DAB1: variants seen among roughly 807,000 people sequenced by gnomAD.
DAB1 encodes the protein disabled homolog 1.
In DAB1, 15 loss-of-function variants were observed where a neutral mutation model predicts 64.6. The observed-to-expected ratio is 0.23, with a 90% CI of 0.16 to 0.36. The LOEUF is 0.36. DAB1 is among the 10% of genes least tolerant of loss of function. The probability of loss-of-function intolerance (pLI) is 1.00; values close to 1 mark genes in which losing one functional copy is unlikely to be tolerated. For missense variants in DAB1, 596 were observed against 706.7 expected (o/e 0.84, Z 1.78); for synonymous variants, 235 against 251.9 (o/e 0.93, Z 0.64).
At chr1:57,552,822 C>T (rs953577706) in intron 7 of DAB1, among the ~76,000 whole-genome samples, 6 of 152,048 alleles carry the variant, frequency 3.9e-5, no homozygotes, top group African/African-American at 1.4e-4. Flanking sequence ...TCCTAGAGGC[C>T]TGATGGGGGA....
Position 58,327,148 on chromosome 1 carries a change from G to A in DAB1, n.309+16204C>T, listed in dbSNP as rs564529127. Among the ~76,000 whole-genome samples, 6 of 152,278 alleles carry A rather than the reference G, an allele frequency of 3.9e-5. No individual in the cohort carries two copies. The South Asian group carries it at 1.2e-3, about 32-fold the overall frequency. ...TTTTTGAATACATCCTTAATAATCAGTGCTAGGGCAAAATTTCACCAAAGT... is the reference window on the plus strand; with the variant it reads ...TTTTTGAATACATCCTTAATAATCAATGCTAGGGCAAAATTTCACCAAAGT... On this transcript the variant is annotated intron_variant and non_coding_transcript_variant, in intron 4 of 20. Transcript: ENST00000485760.
chr1:58,274,726 C>T (rs1487566124), intron 4 of DAB1, among the ~76,000 whole-genome samples: 4 of 152,284 alleles, frequency 2.6e-5, no homozygotes, highest in South Asian at 2.1e-4. Context: ...CTTTTTAAGC[C>T]GGTCTGAAAA....
intron 7 of DAB1, among the ~76,000 whole-genome samples, chr1:57,430,921 A>C (rs1313818567): frequency 6.7e-6 from 1 of 149,026 alleles, no homozygotes; most frequent in Non-Finnish European, 1.5e-5. Context: ...AAAAAAAAAA[A>C]ACTTGTCCTG....
At position 58,484,149 on chromosome 1, in the gene DAB1, T is replaced by C. The variant is rs549038158; in HGVS notation, n.257+21911A>G. 5.3e-5 allele frequency among the ~76,000 whole-genome samples: 8 copies of C among 152,360 alleles called. No individual in the cohort carries two copies. The South Asian group carries it at 1.4e-3, about 28-fold the overall frequency. On this transcript the variant is annotated intron_variant and non_coding_transcript_variant, in intron 3 of 20. Coordinates refer to the DAB1 transcript ENST00000485760. ...CAGTGAGTAAGGTGCTAGGTACACA[T>C]TGGTCAGAATAGTCATGGTCCCTGC... is the stretch of plus-strand genomic sequence containing the variant.
intron 4 of DAB1, among the ~76,000 whole-genome samples, chr1:58,256,159 C>T (rs942156247): frequency 6.6e-6 from 1 of 152,196 alleles, no homozygotes; most frequent in South Asian, 2.1e-4. Flanking sequence ...TGTTTTCTCC[C>T]TCTCCAGTGC....
At chr1:57,996,610 TC>T (rs1386692724) in intron 5 of DAB1, among the ~76,000 whole-genome samples, 1 of 152,222 alleles carries the variant, frequency 6.6e-6, no homozygotes, top group Non-Finnish European at 1.5e-5. Flanking sequence ...GACAGCATCT[TC>T]CGACTGTGAC....
intron 4 of DAB1, among the ~76,000 whole-genome samples, chr1:58,335,870 G>A (rs960439946): frequency 6.6e-6 from 1 of 152,202 alleles, no homozygotes; most frequent in African/African-American, 2.4e-5. Context: ...ATGGAGGGTG[G>A]GAGGAGAGAA....
Position 57,184,445 on chromosome 1 carries a change from G to A in DAB1, c.68-39016C>T, listed in dbSNP as rs550754977. On this transcript the variant is annotated intron_variant, in intron 2 of 14. Transcript: ENST00000371236. Reference sequence around the variant, plus strand: ...GTGCATACCTGATCATGCTACTCCCGTGCCAACCCTGTCCTCTGTTTAAAA... The same window carrying A: ...GTGCATACCTGATCATGCTACTCCCATGCCAACCCTGTCCTCTGTTTAAAA... 2.6e-4 allele frequency among the ~76,000 whole-genome samples: 39 copies of A among 152,066 alleles called. 1 individual carries two copies. The highest frequency in any genetic ancestry group is 3.8e-4 in the Non-Finnish European group (26 of 68,024).
intron 6 of DAB1, among the ~76,000 whole-genome samples, chr1:57,705,978 C>T (rs192633626): frequency 2.0e-4 from 30 of 149,574 alleles, no homozygotes; most frequent in African/African-American, 4.7e-4. Flanking sequence ...TACTTTTTCA[C>T]GGCTTACTTT....
chr1:58,037,727 C>T (rs1487747504), intron 5 of DAB1, among the ~76,000 whole-genome samples: 1 of 151,998 alleles, frequency 6.6e-6, no homozygotes, highest in Non-Finnish European at 1.5e-5. Flanking sequence ...TGGGATTAGG[C>T]TAAAGTTACC....
chr1:57,493,940 C>T (rs1054170382), intron 7 of DAB1, among the ~76,000 whole-genome samples: 13 of 152,126 alleles, frequency 8.5e-5, no homozygotes, highest in African/African-American at 3.1e-4. Flanking sequence ...GTGTGTATTT[C>T]GGCCATTTCA....
Position 58,407,798 on chromosome 1 carries a change from G to A in DAB1, n.258-64395C>T, listed in dbSNP as rs535643891. Among the ~76,000 whole-genome samples, 9 of 152,176 alleles carry A rather than the reference G, an allele frequency of 5.9e-5. No homozygotes were observed. The South Asian group carries it at 6.2e-4, about 11-fold the overall frequency. On this transcript the variant is annotated intron_variant and non_coding_transcript_variant, in intron 3 of 20. Coordinates refer to the DAB1 transcript ENST00000485760. Reference sequence around the variant, plus strand: ...TCCCCTGAAATCTACCCTCTCCATGGAGCAGCCAAAGTAAGGTTTTAAAAA... The same window carrying A: ...TCCCCTGAAATCTACCCTCTCCATGAAGCAGCCAAAGTAAGGTTTTAAAAA...
chr1:57,291,319 T>G (rs998560669), intron 1 of DAB1, among the ~76,000 whole-genome samples, 153 bp from the exon 2 acceptor site: 2 of 152,226 alleles, frequency 1.3e-5, no homozygotes, highest in Non-Finnish European at 2.9e-5. Context: ...TGATAGGGTT[T>G]ATACAGCAAA....
chr1:58,119,845 CTATT>C (rs1471479223), intron 5 of DAB1, among the ~76,000 whole-genome samples: 1 of 152,112 alleles, frequency 6.6e-6, no homozygotes, highest in Non-Finnish European at 1.5e-5. Context: ...CATGATGCTC[CTATT>C]TATTTAGTAA....
intron 5 of DAB1, among the ~76,000 whole-genome samples, chr1:58,140,881 C>T (rs532945559): frequency 3.5e-4 from 54 of 152,248 alleles, no homozygotes; most frequent in Non-Finnish European, 6.5e-4. Context: ...ATAATAAGAA[C>T]CAGCAGAGGA....
intron 4 of DAB1, among the ~76,000 whole-genome samples, chr1:58,163,868 C>A (rs543719028): frequency 1.3e-5 from 2 of 152,236 alleles, no homozygotes; most frequent in South Asian, 2.1e-4. Context: ...TGAGAACATG[C>A]ACATAGCTCA....
intron 3 of DAB1, among the ~76,000 whole-genome samples, chr1:58,479,042 CATATACT>C (rs1569855936): frequency 6.6e-6 from 1 of 152,152 alleles, no homozygotes; most frequent in African/African-American, 2.4e-5. Context: ...AAATCTTTTT[CATATACT>C]ATAAAGATAT....
chr1:57,064,516 G>C (rs1227914356), intron 8 of DAB1, among the ~76,000 whole-genome samples: 1 of 152,142 alleles, frequency 6.6e-6, no homozygotes, highest in Non-Finnish European at 1.5e-5. Flanking sequence ...TTGCAGAGGA[G>C]AAAAATATCT....
intron 7 of DAB1, among the ~76,000 whole-genome samples, chr1:57,596,749 G>T (rs1645514813): frequency 6.6e-6 from 1 of 152,158 alleles, no homozygotes; most frequent in African/African-American, 2.4e-5. Flanking sequence ...GCTCTTAAAA[G>T]GCTGAATCTA....
Sources: allele counts gnomAD v4.1 joint callset (sites outside exome capture counted in the v4.1 genomes callset), GRCh38; gene constraint gnomAD v4.1.1; transcripts MANE v1.5; gene names NCBI Gene and HGNC (gene_info 2026-07-23, HGNC 2026-07-21).